Variants in AATF observed in about 807,000 individuals in gnomAD.
The protein encoded by AATF is protein AATF.
A neutral mutation model predicts 63.7 loss-of-function variants in AATF; 48 were observed. That is an observed-to-expected ratio of 0.75 (90% CI 0.60 to 0.96). The LOEUF is 0.96. AATF is among the 40% of genes least tolerant of loss of function. The pLI is 0.00. For synonymous variants in AATF, 258 were observed against 247.7 expected, an observed-to-expected ratio of 1.04 and a Z score of -0.39; for missense variants, 639 against 685.7, an observed-to-expected ratio of 0.93 and a Z score of 0.76.
intron 10 of AATF, among the ~76,000 whole-genome samples, chr17:37,027,184 A>G (rs566085990): frequency 6.6e-6 from 1 of 152,268 alleles, no homozygotes; most frequent in South Asian, 2.1e-4. Flanking sequence ...ATAATTATTG[A>G]TTGTCAGTAT....
At chr17:36,970,547 T>C (rs897037325) in intron 4 of AATF, among the ~76,000 whole-genome samples, 3 of 118,432 alleles carry the variant, frequency 2.5e-5, no homozygotes, top group Non-Finnish European at 4.2e-5. Context: ...TTTTCTTTTT[T>C]TTTTTTTTTT....
chr17:36,983,578 T>C (rs1412382478), intron 4 of AATF, among the ~76,000 whole-genome samples: 1 of 152,122 alleles, frequency 6.6e-6, no homozygotes, highest in African/African-American at 2.4e-5. Flanking sequence ...CTTGAACTCC[T>C]GACCTCAAGT....
At chr17:36,997,738 G>A (rs1220511290) in intron 8 of AATF, among the ~76,000 whole-genome samples, 1 of 152,168 alleles carries the variant, frequency 6.6e-6, no homozygotes, top group South Asian at 2.1e-4. Flanking sequence ...CTACCCAGAG[G>A]AAAAGAAGTC....
At chr17:36,955,943 T>C (rs2070896504) in intron 4 of AATF, among the ~76,000 whole-genome samples, 1 of 152,108 alleles carries the variant, frequency 6.6e-6, no homozygotes, top group Non-Finnish European at 1.5e-5. Context: ...TTTCTTTTTT[T>C]GTGGAAATAG....
intron 5 of AATF, among the ~76,000 whole-genome samples, 181 bp downstream of exon 5, chr17:36,986,912 T>G (rs1454267282): frequency 1.3e-5 from 2 of 152,192 alleles, no homozygotes; most frequent in Non-Finnish European, 2.9e-5. Context: ...ATTTTTATAT[T>G]TAGTTGTACC....
In AATF at chr17:36,960,834, T is replaced by C. The variant is rs1044631084; in HGVS notation, c.832+6927T>C. Among the ~76,000 whole-genome samples, 11 of 152,222 alleles carry C rather than the reference T, an allele frequency of 7.2e-5. No individual in the cohort carries two copies. In the East Asian group the frequency reaches 7.7e-4, roughly 11 times the overall value. The stretch of plus-strand genomic sequence containing the variant: ...TCTAGCCAAGATGATGTGAGTAAGA[T>C]TGATCTTTTTGCTTCAGCTGATGGC... On this transcript the variant is annotated intron_variant, in intron 4 of 11. Transcript: ENST00000619387.
At chr17:36,962,300 G>T (rs1416742440) in intron 4 of AATF, among the ~76,000 whole-genome samples, 1 of 152,148 alleles carries the variant, frequency 6.6e-6, no homozygotes, top group Non-Finnish European at 1.5e-5. Context: ...TAGTTAATTA[G>T]GCATTTATAT....
At chr17:37,012,074 T>A (rs984101543) in intron 8 of AATF, among the ~76,000 whole-genome samples, 6 of 151,972 alleles carry the variant, frequency 3.9e-5, no homozygotes, top group Admixed American at 6.6e-5. Flanking sequence ...TTTTTTTTTT[T>A]AAGTTGAGGT....
intron 4 of AATF, among the ~76,000 whole-genome samples, chr17:36,968,303 G>A (rs2071011517): frequency 4.4e-5 from 1 of 22,812 alleles, no homozygotes; most frequent in Non-Finnish European, 8.1e-5. Flanking sequence ...TTTTTTTTGA[G>A]ATAGGCTCTC....
At chr17:36,991,426 A>G (rs996215938) in intron 8 of AATF, among the ~76,000 whole-genome samples, 4 of 152,174 alleles carry the variant, frequency 2.6e-5, no homozygotes, top group African/African-American at 9.7e-5. Flanking sequence ...CCAGTTCTCA[A>G]TATGTTTTCA....
chr17:36,954,206 T>C (rs1291440880), intron 4 of AATF, among the ~76,000 whole-genome samples: 1 of 151,760 alleles, frequency 6.6e-6, no homozygotes, highest in East Asian at 1.9e-4. Context: ...CACCTTAGCC[T>C]TCCGAGTAGC....
At chr17:36,969,110 A>G (rs1241970683) in intron 4 of AATF, among the ~76,000 whole-genome samples, 1 of 152,012 alleles carries the variant, frequency 6.6e-6, no homozygotes, top group Non-Finnish European at 1.5e-5. Flanking sequence ...GTTGATTGGG[A>G]ACTTTGTATG....
intron 4 of AATF, among the ~76,000 whole-genome samples, chr17:36,955,388 G>T (rs886419135): frequency 4.6e-5 from 7 of 152,202 alleles, no homozygotes; most frequent in Non-Finnish European, 1.0e-4. Flanking sequence ...GGGAAGTCTG[G>T]GCAGTCCTTC....
chr17:36,991,385 CAGAG>C (rs774439914), intron 8 of AATF, among the ~76,000 whole-genome samples: 4 of 152,114 alleles, frequency 2.6e-5, no homozygotes, highest in Non-Finnish European at 4.4e-5. Context: ...CTTTTGAAGA[CAGAG>C]AGAATTGGTA....
At chr17:36,960,600 A>G (rs956137967) in intron 4 of AATF, among the ~76,000 whole-genome samples, 1 of 152,204 alleles carries the variant, frequency 6.6e-6, no homozygotes, top group African/African-American at 2.4e-5. Flanking sequence ...TAGTTGCCTT[A>G]GGTGACAAAT....
Position 36,953,064 on chromosome 17 carries a change from C to T in AATF, c.462C>T (p.Ile154=). The T allele has an allele frequency of 6.2e-7, 1 of 1,614,072 alleles. No individual in the cohort carries two copies. The highest frequency in any genetic ancestry group is 8.5e-7 in the Non-Finnish European group (1 of 1,180,024). ...CACCGGGCTTCAGTGTCCAGAGTATCAGTGACTTTGAGAAATTTACCAAGG... is the reference window on the plus strand; with the variant it reads ...CACCGGGCTTCAGTGTCCAGAGTATTAGTGACTTTGAGAAATTTACCAAGG... The part of the protein sequence containing the change: ...AKTPGFSVQS[I]SDFEKFTKGM... Residue 154 remains isoleucine, a synonymous_variant, in exon 3 of 12, where the codon ATC becomes ATT. Transcript: ENST00000619387.
intron 8 of AATF, among the ~76,000 whole-genome samples, chr17:37,013,572 C>G (rs137883776): frequency 6.6e-6 from 1 of 152,132 alleles, no homozygotes; most frequent in Non-Finnish European, 1.5e-5. Flanking sequence ...TTTTCAACAG[C>G]CAGCTCCTGG....
intron 11 of AATF, among the ~76,000 whole-genome samples, chr17:37,039,533 T>G (rs1457694758): frequency 6.6e-6 from 1 of 152,216 alleles, no homozygotes; most frequent in Non-Finnish European, 1.5e-5. Flanking sequence ...AGCTTTGCAT[T>G]AACTCGGATT....
rs1186870720 is a variant in AATF, at chr17:37,056,695, C to T, written c.*31C>T. 26 of 1,612,028 alleles carry T rather than the reference C, an allele frequency of 1.6e-5. No individual in the cohort carries two copies. Among genetic ancestry groups the T allele is most frequent in the Non-Finnish European group, 2.2e-5 (26 of 1,178,316 alleles). The stretch of plus-strand genomic sequence containing the variant: ...CCCACCTCCGACACCCAGTGGGCGC[C>T]TTGGCTGGTGCGGCTGCTGGTCCAG... On this transcript the variant is annotated 3_prime_UTR_variant, in exon 12 of 12. Coordinates refer to ENST00000619387, the MANE Select transcript of AATF (RefSeq NM_012138.4).
Sources: allele counts gnomAD v4.1 joint callset (sites outside exome capture counted in the v4.1 genomes callset), GRCh38; gene constraint gnomAD v4.1.1; transcripts MANE v1.5; gene names NCBI Gene and HGNC (gene_info 2026-07-23, HGNC 2026-07-21).